Variants in RETREG1 observed in about 807,000 individuals in gnomAD.
RETREG1 encodes the protein family with sequence similarity 134 member B.
RETREG1 carries 44 observed loss-of-function variants against 54.8 expected under a neutral mutation model. The observed-to-expected ratio is 0.80, with a 90% confidence interval of 0.63 to 1.03. The LOEUF is 1.03. RETREG1 is among the 50% of genes least tolerant of loss of function. The probability of loss-of-function intolerance (pLI) is 0.00; values close to 1 mark genes in which losing one functional copy is unlikely to be tolerated. For synonymous variants in RETREG1, 217 were observed against 238.5 expected, an observed-to-expected ratio of 0.91 and a Z score of 0.83; for missense variants, 554 against 605.1, an observed-to-expected ratio of 0.92 and a Z score of 0.89.
chr5:16,562,615 C>CACACAT (rs1741888535), intron 3 of RETREG1, among the ~76,000 whole-genome samples: 1 of 152,210 alleles, frequency 6.6e-6, no homozygotes. Flanking sequence ...ATGGCTTGTA[C>CACACAT]CCTTGATAGG....
chr5:16,614,882 T>C (rs1182825902), intron 1 of RETREG1, among the ~76,000 whole-genome samples: 3 of 152,212 alleles, frequency 2.0e-5, no homozygotes, highest in Non-Finnish European at 4.4e-5. Context: ...GCTCATATGT[T>C]ATTCCACAAT....
intron 1 of RETREG1, among the ~76,000 whole-genome samples, chr5:16,601,522 A>T (rs1368769281): frequency 6.6e-6 from 1 of 151,550 alleles, no homozygotes; most frequent in Non-Finnish European, 1.5e-5. Context: ...TCAACCTCCC[A>T]AGTAGCTGGG....
chr5:16,532,967 A>AT (rs1740956232), intron 3 of RETREG1, among the ~76,000 whole-genome samples: 1 of 152,364 alleles, frequency 6.6e-6, no homozygotes, highest in East Asian at 1.9e-4. Context: ...CCCTAGGTAA[A>AT]TGCTCTACTT....
intron 3 of RETREG1, among the ~76,000 whole-genome samples, chr5:16,557,614 A>G (rs1025886426): frequency 6.6e-6 from 1 of 152,224 alleles, no homozygotes; most frequent in Admixed American, 6.5e-5. Context: ...ATTGTGCAAT[A>G]TATGACTGCA....
chr5:16,573,735 G>GTTTTTTTTTTTTTTT lies in RETREG1; in HGVS notation c.321-1634_321-1633insAAAAAAAAAAAAAAA, dbSNP rs3993826. 4.9e-5 allele frequency among the ~76,000 whole-genome samples: 6 copies of GTTTTTTTTTTTTTTT among 122,104 alleles called. 1 individual carries two copies. The highest frequency in any genetic ancestry group is 9.8e-5 in the Admixed American group (1 of 10,242). 80.1% of individuals were successfully genotyped at this position (122,104 alleles called of 152,430 possible). On this transcript the variant is annotated intron_variant, in intron 1 of 8. Coordinates refer to ENST00000306320, the MANE Select transcript of RETREG1 (RefSeq NM_001034850.3). The stretch of plus-strand genomic sequence containing the variant: ...TTTAATTGGTTTTTTGGGTTTGTTT[G>GTTTTTTTTTTTTTTT]TTTTTTGTTTTTTTTTTTTTTTTTT...
intron 3 of RETREG1, among the ~76,000 whole-genome samples, chr5:16,510,981 AG>A (rs1278275603): frequency 2.0e-5 from 3 of 152,108 alleles, no homozygotes; most frequent in Non-Finnish European, 4.4e-5. Context: ...TGTTGATCTT[AG>A]TTGCTGGTTA....
At chr5:16,558,439 A>G (rs937923311) in intron 3 of RETREG1, among the ~76,000 whole-genome samples, 32 of 152,302 alleles carry the variant, frequency 2.1e-4, no homozygotes, top group African/African-American at 7.5e-4. Context: ...TCTTTCCTTT[A>G]TATATTGCCC....
intron 3 of RETREG1, among the ~76,000 whole-genome samples, chr5:16,497,389 C>G (rs143973327): frequency 4.8e-4 from 73 of 152,302 alleles, no homozygotes; most frequent in African/African-American, 1.8e-3. Context: ...AATTTCTTGT[C>G]ACACTACCGG....
intron 1 of RETREG1, among the ~76,000 whole-genome samples, chr5:16,607,279 G>C (rs1318025590): frequency 6.6e-6 from 1 of 152,012 alleles, no homozygotes; most frequent in Non-Finnish European, 1.5e-5. Context: ...TCACCTGTTT[G>C]TCCGCTGTTA....
intron 3 of RETREG1, among the ~76,000 whole-genome samples, chr5:16,485,551 G>A (rs556113529): frequency 1.3e-5 from 2 of 152,160 alleles, no homozygotes; most frequent in African/African-American, 4.8e-5. Context: ...TTCATGTCTT[G>A]GAAATGACAC....
intron 3 of RETREG1, among the ~76,000 whole-genome samples, chr5:16,555,712 G>A (rs1041846196): frequency 2.6e-5 from 4 of 151,804 alleles, no homozygotes; most frequent in African/African-American, 7.3e-5. Context: ...TTACAATTGG[G>A]GAAAAATTAA....
chr5:16,489,355 C>T (rs1739161181), intron 3 of RETREG1, among the ~76,000 whole-genome samples: 1 of 152,154 alleles, frequency 6.6e-6, no homozygotes, highest in African/African-American at 2.4e-5. Flanking sequence ...TTAATGCCTG[C>T]ATAATGGAAT....
intron 3 of RETREG1, among the ~76,000 whole-genome samples, chr5:16,556,283 G>A (rs1240067309): frequency 2.0e-5 from 3 of 151,670 alleles, no homozygotes; most frequent in South Asian, 2.1e-4. Context: ...CTCAGCCTCC[G>A]GAGCTGGGAC....
intron 3 of RETREG1, among the ~76,000 whole-genome samples, chr5:16,499,330 A>G (rs1226450887): frequency 2.0e-5 from 3 of 152,184 alleles, no homozygotes; most frequent in Non-Finnish European, 4.4e-5. Context: ...AAAGTTATCC[A>G]CCACTAATGT....
At chr5:16,506,917 T>C (rs1739981392) in intron 3 of RETREG1, among the ~76,000 whole-genome samples, 3 of 152,184 alleles carry the variant, frequency 2.0e-5, no homozygotes, top group African/African-American at 7.2e-5. Flanking sequence ...TCATTTTCAA[T>C]CCAATATATT....
intron 3 of RETREG1, among the ~76,000 whole-genome samples, chr5:16,540,425 G>A (rs1741208414): frequency 6.6e-6 from 1 of 152,054 alleles, no homozygotes; most frequent in Non-Finnish European, 1.5e-5. Flanking sequence ...GCTAAGTAAC[G>A]GATTCCTTTC....
In RETREG1 at chr5:16,533,158, C is replaced by T. The variant is rs1740962120; in HGVS notation, c.458+32605G>A. Among the ~76,000 whole-genome samples, 2 of 152,112 alleles carry T rather than the reference C, an allele frequency of 1.3e-5. 1 individual carries two copies. The highest frequency in any genetic ancestry group is 4.1e-4 in the South Asian group (2 of 4,826). On this transcript the variant is annotated intron_variant, in intron 3 of 8. Coordinates refer to ENST00000306320, the MANE Select transcript of RETREG1 (RefSeq NM_001034850.3). ...CTCCCGGGTTCACGCCATTCTCCTG[C>T]CTCAGCCTCCTGAGTAGCTGGAACT...
chr5:16,516,149 C>T (rs573938863), intron 3 of RETREG1, among the ~76,000 whole-genome samples: 2 of 147,260 alleles, frequency 1.4e-5, no homozygotes, highest in South Asian at 2.2e-4. Flanking sequence ...ATGGGATATT[C>T]GTACATTTAT....
At chr5:16,571,034 G>A (rs1403319185) in intron 2 of RETREG1, among the ~76,000 whole-genome samples, 3 of 152,182 alleles carry the variant, frequency 2.0e-5, no homozygotes, top group African/African-American at 4.8e-5. Context: ...ACAATCTAAA[G>A]ATGGTTTACA....
Sources: gnomAD v4.1 joint callset for allele counts (sites outside exome capture counted in the v4.1 genomes callset) on GRCh38, gnomAD v4.1.1 for gene constraint, MANE v1.5 for transcripts, NCBI Gene and HGNC (gene_info 2026-07-23, HGNC 2026-07-21) for gene names.